The following RHBDD1 variants were observed in gnomAD, a reference collection of about 807,000 sequenced individuals.
The protein encoded by RHBDD1 is rhomboid domain containing 1, also known as rhomboid-related protein 4.
In RHBDD1, 38 loss-of-function variants were observed where a neutral mutation model predicts 36.3. That is an observed-to-expected ratio of 1.05 (90% CI 0.81 to 1.37). The LOEUF is 1.37. RHBDD1 is among the 40% of genes most tolerant of loss of function. The probability of loss-of-function intolerance (pLI) is 0.00; values close to 1 mark genes in which losing one functional copy is unlikely to be tolerated. For missense variants in RHBDD1, 393 were observed against 377.6 expected, an observed-to-expected ratio of 1.04 and a Z score of -0.34; for synonymous variants, 151 against 136.5, an observed-to-expected ratio of 1.11 and a Z score of -0.74.
chr2:226,970,391 C>G (rs565224865), intron 8 of RHBDD1, among the ~76,000 whole-genome samples: 271 of 152,094 alleles, frequency 1.8e-3, no homozygotes, highest in Non-Finnish European at 2.9e-3. Context: ...CTAAAATAAG[C>G]TTTTTTCCCC....
chr2:226,834,838 T>C (rs1940835458), upstream of RHBDD1, among the ~76,000 whole-genome samples: 1 of 152,076 alleles, frequency 6.6e-6, no homozygotes, highest in African/African-American at 2.4e-5. Flanking sequence ...CTGGAGTGCA[T>C]GGACGCGATC....
chr2:226,877,808 G>A (rs1236944084), intron 5 of RHBDD1, among the ~76,000 whole-genome samples: 4 of 152,034 alleles, frequency 2.6e-5, no homozygotes, highest in Non-Finnish European at 5.9e-5. Context: ...GAATTTTACC[G>A]CTTTGTCAAA....
chr2:226,996,868 G>A lies in RHBDD1; in HGVS notation c.*1346G>A, dbSNP rs1249425858. 6.6e-6 allele frequency: 1 copy of A among 152,146 alleles called. No individual in the cohort carries two copies. The highest frequency in any genetic ancestry group is 2.4e-5 in the African/African-American group (1 of 41,436). The allele number at this position is 152,146 out of a possible 1,614,324, so 9.4% of individuals were successfully genotyped here. A position where few individuals can be genotyped will look rare whatever the true frequency, so the allele number is the denominator to read the frequency against. On this transcript the variant is annotated 3_prime_UTR_variant, in exon 9 of 9. Coordinates refer to ENST00000392062, the MANE Select transcript of RHBDD1 (RefSeq NM_001167608.3). ...ACAGACTTAAAAATAAATACTATGT[G>A]TCCATTGAGAAAATTCACAATATAA... is the stretch of plus-strand genomic sequence containing the variant.
At chr2:226,830,785 G>A (rs1442222182), upstream of RHBDD1, among the ~76,000 whole-genome samples, 5 of 151,970 alleles carry the variant, frequency 3.3e-5, no homozygotes, top group Non-Finnish European at 5.9e-5. Context: ...TGATCCCCCC[G>A]CCTCAGCCTC....
At chr2:226,929,276 A>G (rs555463439) in intron 8 of RHBDD1, among the ~76,000 whole-genome samples, 13 of 152,164 alleles carry the variant, frequency 8.5e-5, no homozygotes, top group African/African-American at 3.1e-4. Flanking sequence ...ACTGAATCCA[A>G]CAGCACATCC....
At chr2:226,913,020 A>G (rs1948630841) in intron 7 of RHBDD1, among the ~76,000 whole-genome samples, 1 of 152,206 alleles carries the variant, frequency 6.6e-6, no homozygotes, top group African/African-American at 2.4e-5. Flanking sequence ...AATCCTGCAT[A>G]TTAGGAAAAT....
At chr2:226,933,937 G>T (rs1334981218) in intron 8 of RHBDD1, among the ~76,000 whole-genome samples, 1 of 151,926 alleles carries the variant, frequency 6.6e-6, no homozygotes, top group Non-Finnish European at 1.5e-5. Context: ...CTTTTTAAAA[G>T]TCTGGGTAAA....
chr2:226,836,518 C>T (rs1940983639), intron 1 of RHBDD1, among the ~76,000 whole-genome samples: 1 of 152,226 alleles, frequency 6.6e-6, no homozygotes, highest in South Asian at 2.1e-4. Flanking sequence ...GTCTAAGCCT[C>T]ACCGCAGTAA....
chr2:226,976,303 A>T (rs1035197227), intron 8 of RHBDD1, among the ~76,000 whole-genome samples: 1 of 147,438 alleles, frequency 6.8e-6, no homozygotes, highest in Admixed American at 6.9e-5. Context: ...CCCCCTGGAG[A>T]CACCACTAGA....
chr2:226,961,766 G>T (rs576206042), intron 8 of RHBDD1, among the ~76,000 whole-genome samples: 5 of 152,228 alleles, frequency 3.3e-5, no homozygotes, highest in Admixed American at 3.3e-4. Context: ...GTAACAGCTG[G>T]TGCATACCTC....
At chr2:226,882,906 A>C (rs1945889166) in intron 5 of RHBDD1, among the ~76,000 whole-genome samples, 1 of 152,156 alleles carries the variant, frequency 6.6e-6, no homozygotes, top group Non-Finnish European at 1.5e-5. Flanking sequence ...CTGTGTCCTC[A>C]TGTGGCAAGG....
intron 8 of RHBDD1, among the ~76,000 whole-genome samples, chr2:226,978,587 T>C (rs1955011960): frequency 6.6e-6 from 1 of 152,214 alleles, no homozygotes; most frequent in South Asian, 2.1e-4. Context: ...CATTTGTTCA[T>C]TTATTTGTTC....
chr2:226,839,280 C>A (rs1012668849), intron 2 of RHBDD1, 129 bp from the exon 3 acceptor site: 2 of 151,992 alleles, frequency 1.3e-5, no homozygotes, highest in African/African-American at 2.4e-5. Context: ...AAATTAGATA[C>A]GTACATGTAT....
At chr2:226,835,722 G>A (rs1201438286), upstream of RHBDD1, 5 of 152,332 alleles carry the variant, frequency 3.3e-5, no homozygotes, top group Non-Finnish European at 7.3e-5. Flanking sequence ...CTTGAACGCA[G>A]GTCGCTTGTT....
chr2:226,951,235 A>G (rs974151650), intron 8 of RHBDD1, among the ~76,000 whole-genome samples: 12 of 152,156 alleles, frequency 7.9e-5, no homozygotes, highest in Non-Finnish European at 1.6e-4. Context: ...TAAAGGCCCT[A>G]TCTCCAAATA....
At chr2:226,828,826 A>C in the RHBDD1 span, among the ~76,000 whole-genome samples, 1 of 152,118 alleles carries the variant, frequency 6.6e-6, no homozygotes, top group Non-Finnish European at 1.5e-5. Flanking sequence ...AATATTTGCA[A>C]ATATTTTCTT....
intron 8 of RHBDD1, among the ~76,000 whole-genome samples, chr2:226,943,795 A>C (rs1231354829): frequency 6.6e-6 from 1 of 152,202 alleles, no homozygotes; most frequent in Non-Finnish European, 1.5e-5. Flanking sequence ...TTTTGCATAT[A>C]ACTTTGAGAT....
rs1186094366 is a variant in RHBDD1, at chr2:226,881,955, A to G, written c.566+14637A>G. ...GTGTTAATGAGTGGTGATCACAAAT[A>G]CCAAGTAGTTCTTATTAGATTTTAT... On this transcript the variant is annotated intron_variant, in intron 5 of 8. Transcript: ENST00000392062. Among the ~76,000 whole-genome samples, 3 of 152,238 alleles carry G rather than the reference A, an allele frequency of 2.0e-5. No individual in the cohort carries two copies. In the South Asian group the frequency reaches 6.2e-4, roughly 31 times the overall value.
chr2:226,964,013 G>T (rs960415985), intron 8 of RHBDD1, among the ~76,000 whole-genome samples: 1 of 152,018 alleles, frequency 6.6e-6, no homozygotes, highest in Admixed American at 6.5e-5. Flanking sequence ...TTGTCATTGA[G>T]TATCCCCTTT....
Sources: allele counts gnomAD v4.1 joint callset (sites outside exome capture counted in the v4.1 genomes callset), GRCh38; gene constraint gnomAD v4.1.1; transcripts MANE v1.5; gene names NCBI Gene and HGNC (gene_info 2026-07-23, HGNC 2026-07-21).